RNF125: variants seen among roughly 807,000 people sequenced by gnomAD.
RNF125 encodes E3 ubiquitin-protein ligase RNF125.
In RNF125, 21 loss-of-function variants were observed where a neutral mutation model predicts 26.0. The observed-to-expected ratio is 0.81, with a 90% confidence interval of 0.57 to 1.16. RNF125 has a LOEUF of 1.16. RNF125 is among the 50% of genes most tolerant of loss of function. The pLI is 0.00. For synonymous variants in RNF125, 95 were observed against 109.2 expected, an observed-to-expected ratio of 0.87 and a Z score of 0.81; for missense variants, 270 against 299.4, an observed-to-expected ratio of 0.90 and a Z score of 0.72.
chr18:32,083,338 C>T, the RNF125 span, among the ~76,000 whole-genome samples: 1 of 152,162 alleles, frequency 6.6e-6, no homozygotes, highest in African/African-American at 2.4e-5. Context: ...GACATTGTGA[C>T]ATTGCTGCTA....
rs541681214 is a variant in RNF125 at position 32,050,105 on chromosome 18, A to G, written c.504+4373A>G. On this transcript the variant is annotated intron_variant, in intron 4 of 5. Coordinates refer to ENST00000217740, the MANE Select transcript of RNF125 (RefSeq NM_017831.4). ...TACCTCACATAAGAGGTTTCCTGGCATTTAGAGATTTCCTGGGTAAATGAT... is the reference window on the plus strand; with the variant it reads ...TACCTCACATAAGAGGTTTCCTGGCGTTTAGAGATTTCCTGGGTAAATGAT... Among the ~76,000 whole-genome samples the G allele has an allele frequency of 2.0e-5, 3 of 152,286 alleles. No homozygotes were observed. In the East Asian group the frequency reaches 5.8e-4, roughly 29 times the overall value.
At chr18:32,045,216 G>T (rs1054248723) in intron 3 of RNF125, among the ~76,000 whole-genome samples, 1 of 152,036 alleles carries the variant, frequency 6.6e-6, no homozygotes, top group Non-Finnish European at 1.5e-5. Context: ...TCACTTATCT[G>T]TGCTGTCCAA....
chr18:32,060,437 G>C (rs16962679), intron 4 of RNF125, among the ~76,000 whole-genome samples: 29,599 of 152,192 alleles, frequency 0.19, 3,936 homozygotes, highest in African/African-American at 0.38. Flanking sequence ...TTTGAAGTTG[G>C]TAGTAGCTTC....
At chr18:32,060,127 G>C (rs2039421184) in intron 4 of RNF125, among the ~76,000 whole-genome samples, 1 of 152,196 alleles carries the variant, frequency 6.6e-6, no homozygotes, top group African/African-American at 2.4e-5. Context: ...AAGATTCATT[G>C]CATAGAAAGG....
rs753547215 is a variant in RNF125 at position 32,018,961 on chromosome 18, C to G, written c.98C>G (p.Thr33Arg). 1.2e-6 allele frequency: 2 copies of G among 1,613,810 alleles called. No homozygotes were observed. Among genetic ancestry groups the G allele is most frequent in the East Asian group, 4.5e-5 (2 of 44,856 alleles). The change falls in exon 1 of 6, where the codon ACG (threonine) becomes AGG (arginine). Residue 33 changes from threonine to arginine, a missense_variant. Thr to Arg is a moderately conservative substitution (Grantham distance 71). Coordinates refer to ENST00000217740, the MANE Select transcript of RNF125 (RefSeq NM_017831.4). ...ERRRDPELPV[T>R]SFDCAVCLEV... ...AGGAGGGACCCGGAGTTGCCCGTCA[C>G]GTCCTTCGACTGCGCCGTGTGCCTT...
intron 4 of RNF125, among the ~76,000 whole-genome samples, chr18:32,058,162 G>A (rs576054889): frequency 6.6e-6 from 1 of 151,330 alleles, no homozygotes; most frequent in South Asian, 2.1e-4. Flanking sequence ...AAAATTAAAG[G>A]GCAAGTGAGA....
chr18:32,049,604 G>A (rs1461692967), intron 4 of RNF125, among the ~76,000 whole-genome samples: 2 of 151,918 alleles, frequency 1.3e-5, no homozygotes, highest in Admixed American at 1.3e-4. Context: ...GGGGGGTGGC[G>A]GGGAGGAGGA....
intron 1 of RNF125, among the ~76,000 whole-genome samples, chr18:32,020,412 G>T (rs938647446): frequency 6.6e-6 from 1 of 151,936 alleles, no homozygotes; most frequent in Non-Finnish European, 1.5e-5. Flanking sequence ...CACAGATCAG[G>T]AGCGGAAGCC....
chr18:32,073,925 T>C (rs1255668869), downstream of RNF125, among the ~76,000 whole-genome samples: 4 of 152,308 alleles, frequency 2.6e-5, no homozygotes, highest in East Asian at 7.7e-4. Context: ...TGTTTTTGTA[T>C]TATTACTAGA....
chr18:32,024,193 TTTTTTTTTTTTTTTTC>T (rs1301498259), intron 1 of RNF125, among the ~76,000 whole-genome samples: 3 of 80,094 alleles, frequency 3.7e-5, no homozygotes, highest in South Asian at 3.7e-4. Flanking sequence ...CATGCCATTC[TTTTTTTTTTTTTTTTC>T]TTTTTTTTTT....
chr18:32,024,502 G>A (rs1568191633), intron 1 of RNF125, among the ~76,000 whole-genome samples: 1 of 151,826 alleles, frequency 6.6e-6, no homozygotes, highest in African/African-American at 2.4e-5. Flanking sequence ...ACTCAGTGAT[G>A]TGATCATAGC....
chr18:32,028,188 C>T (rs1003829379), intron 1 of RNF125, among the ~76,000 whole-genome samples: 1 of 150,726 alleles, frequency 6.6e-6, no homozygotes, highest in Admixed American at 6.7e-5. Flanking sequence ...GTCCCAGCTA[C>T]TCAGGAGGCT....
chr18:32,033,823 C>T (rs2039124209), intron 1 of RNF125, among the ~76,000 whole-genome samples: 1 of 98,892 alleles, frequency 1.0e-5, no homozygotes, highest in African/African-American at 4.3e-5. Flanking sequence ...TCATCTCAAA[C>T]AAACAAACAA....
chr18:32,038,820 C>T (rs2039187077), intron 2 of RNF125, among the ~76,000 whole-genome samples: 1 of 151,914 alleles, frequency 6.6e-6, no homozygotes, highest in Non-Finnish European at 1.5e-5. Flanking sequence ...GGCTGGTGTG[C>T]AGTGGTGCGA....
chr18:32,090,223 G>T, the RNF125 span, among the ~76,000 whole-genome samples: 1 of 152,202 alleles, frequency 6.6e-6, no homozygotes, highest in African/African-American at 2.4e-5. Flanking sequence ...CCCAGCCTGG[G>T]TGACAGAGTG....
At chr18:32,045,286 C>T (rs1000627535) in intron 3 of RNF125, among the ~76,000 whole-genome samples, 4 of 151,540 alleles carry the variant, frequency 2.6e-5, no homozygotes, top group South Asian at 2.1e-4. Context: ...TGACCAGGTG[C>T]GGTGGCTCAC....
the RNF125 span, among the ~76,000 whole-genome samples, chr18:32,086,239 G>C: frequency 1.4e-5 from 2 of 146,070 alleles, no homozygotes; most frequent in African/African-American, 5.1e-5. Flanking sequence ...TTTTTTTTAA[G>C]AGACAAGCTC....
intron 4 of RNF125, among the ~76,000 whole-genome samples, chr18:32,046,501 G>T (rs1218735837): frequency 6.6e-6 from 1 of 151,098 alleles, no homozygotes; most frequent in Non-Finnish European, 1.5e-5. Flanking sequence ...GGAGGCTGAG[G>T]CAGGAGAATG....
chr18:32,024,150 A>G (rs563179958), intron 1 of RNF125, among the ~76,000 whole-genome samples: 1 of 150,582 alleles, frequency 6.6e-6, no homozygotes, highest in Non-Finnish European at 1.5e-5. Context: ...AACTAGACAC[A>G]ATTCGTTTTC....
Sources: gnomAD v4.1 joint callset for allele counts (sites outside exome capture counted in the v4.1 genomes callset) on GRCh38, gnomAD v4.1.1 for gene constraint, MANE v1.5 for transcripts, NCBI Gene and HGNC (gene_info 2026-07-23, HGNC 2026-07-21) for gene names.